The following ADO variants were observed in gnomAD, a reference collection of about 807,000 sequenced individuals.
ADO encodes 2-aminoethanethiol (cysteamine) dioxygenase.
ADO carries 9 observed loss-of-function variants against 16.6 expected under a neutral mutation model. The observed-to-expected ratio is 0.54, with a 90% CI of 0.33 to 0.95. The LOEUF is 0.95. ADO is among the 40% of genes least tolerant of loss of function. The pLI is 0.03. For missense variants in ADO, 356 were observed against 386.4 expected (o/e 0.92, Z 0.66); for synonymous variants, 189 against 179.6 (o/e 1.05, Z -0.42).
In ADO at chr10:62,808,342, A is replaced by G. The variant is rs1291737352; in HGVS notation, c.*2470A>G. Reference sequence around the variant, plus strand: ...TGGTGTGTTGCTATTGTGTTTCTATATACTCCGTCCAATATAGATAATGTT... The same window carrying G: ...TGGTGTGTTGCTATTGTGTTTCTATGTACTCCGTCCAATATAGATAATGTT... On this transcript the variant is annotated 3_prime_UTR_variant, in exon 1 of 1. Transcript: ENST00000373783. 2 of 167,250 alleles carry G rather than the reference A, an allele frequency of 1.2e-5. No homozygotes were observed. Among genetic ancestry groups the G allele is most frequent in the South Asian group, 2.1e-4 (1 of 4,838 alleles). 10.4% of individuals were successfully genotyped at this position (167,250 alleles called of 1,614,324 possible).
rs772363305 is a variant in ADO at position 62,807,605 on chromosome 10, A to C, written c.*1733A>C. The C allele has an allele frequency of 6.0e-6, 1 of 167,232 alleles. No individual in the cohort carries two copies. Among genetic ancestry groups the C allele is most frequent in the Non-Finnish European group, 1.5e-5 (1 of 68,128 alleles). The allele number at this position is 167,232 out of a possible 1,614,324, so 10.4% of individuals were successfully genotyped here. ...AACACAAAAAGATATTCCACAGGAC[A>C]TGCCACTTTATTATAAAACCTGACA... On this transcript the variant is annotated 3_prime_UTR_variant, in exon 1 of 1. Coordinates refer to ENST00000373783, the MANE Select transcript of ADO (RefSeq NM_032804.6).
Position 62,805,502 on chromosome 10 carries a change from C to G in ADO, c.443C>G (p.Pro148Arg). 6.5e-7 allele frequency: 1 copy of G among 1,537,738 alleles called. No individual in the cohort carries two copies. The highest frequency in any genetic ancestry group is 1.4e-5 in the African/African-American group (1 of 71,924). ...GGCGGGCAACGGCCGCGGGCCTTGC[C>G]GCCCGAGCAGCAGTTCGAGCCGCCG... ...AGGGQRPRALPPEQQFEPPLQ... is the reference protein window; with the variant it reads ...AGGGQRPRALRPEQQFEPPLQ... Residue 148 changes from proline to arginine, a missense_variant, in exon 1 of 1, where the codon CCG becomes CGG. Physicochemically the swap from Pro to Arg is moderately radical, Grantham distance 103. Coordinates refer to ENST00000373783, the MANE Select transcript of ADO (RefSeq NM_032804.6). This position sits in a 1 kb window ranked among gnomAD's most constrained non-coding sequence, Gnocchi z 6.4.
chr10:62,805,953 G>A lies in ADO; in HGVS notation c.*81G>A. 7.6e-7 allele frequency: 1 copy of A among 1,307,410 alleles called. No individual in the cohort carries two copies. 81.0% of individuals were successfully genotyped at this position (1,307,410 alleles called of 1,614,324 possible). A position where few individuals can be genotyped will look rare whatever the true frequency, so the allele number is the denominator to read the frequency against. ...GCTGTGTCTCTACCCCCTAGCCTGGGCGTTGGATCTACTGGAATGAGCAGC... is the reference window on the plus strand; with the variant it reads ...GCTGTGTCTCTACCCCCTAGCCTGGACGTTGGATCTACTGGAATGAGCAGC... On this transcript the variant is annotated 3_prime_UTR_variant, in exon 1 of 1. Coordinates refer to ENST00000373783, the MANE Select transcript of ADO (RefSeq NM_032804.6). The surrounding 1 kb of genome is among the most constrained non-coding windows in gnomAD (Gnocchi z 6.4).
chr10:62,805,100 C>A lies in ADO; in HGVS notation c.41C>A (p.Ala14Asp). ...DNMASLIQRIARQACLTFRGS... is the reference protein window; with the variant it reads ...DNMASLIQRIDRQACLTFRGS... ...ATGGCCTCCTTGATCCAACGGATCG[C>A]CCGCCAGGCTTGCCTCACCTTCCGG... is the stretch of plus-strand genomic sequence containing the variant. Residue 14 changes from alanine (A) to aspartate (D), a missense_variant, in exon 1 of 1, where the codon GCC becomes GAC. Transcript: ENST00000373783. This position sits in a 1 kb window ranked among gnomAD's most constrained non-coding sequence, Gnocchi z 6.4. 1 of 1,530,786 alleles carries A rather than the reference C, an allele frequency of 6.5e-7. No homozygotes were observed. The highest frequency in any genetic ancestry group is 8.7e-7 in the Non-Finnish European group (1 of 1,144,900). The allele number at this position is 1,530,786 out of a possible 1,614,324, so 94.8% of individuals were successfully genotyped here.
chr10:62,805,906 C>G lies in ADO; in HGVS notation c.*34C>G. ...GCGCCCAGGAGCGGTGGGCCGAAGA[C>G]GTGCCCTACCCTACCACAAGGGCTG... On this transcript the variant is annotated 3_prime_UTR_variant, in exon 1 of 1. Transcript: ENST00000373783. The surrounding 1 kb of genome is among the most constrained non-coding windows in gnomAD (Gnocchi z 6.4). 2 of 1,452,652 alleles carry G rather than the reference C, an allele frequency of 1.4e-6. No individual in the cohort carries two copies. Among genetic ancestry groups the G allele is most frequent in the Non-Finnish European group, 1.8e-6 (2 of 1,096,908 alleles). The allele number at this position is 1,452,652 out of a possible 1,614,324, so 90.0% of individuals were successfully genotyped here.
Position 62,807,454 on chromosome 10 carries a change from A to G in ADO, c.*1582A>G, listed in dbSNP as rs1313013361. The G allele has an allele frequency of 6.0e-6, 1 of 167,236 alleles. No individual in the cohort carries two copies. The highest frequency in any genetic ancestry group is 1.5e-5 in the Non-Finnish European group (1 of 68,126). The allele number at this position is 167,236 out of a possible 1,614,324, so 10.4% of individuals were successfully genotyped here. The stretch of plus-strand genomic sequence containing the variant: ...GAATGTTGACCCCGTATGTAGAGAA[A>G]CAGTACGTGCCTTTGCCTCTTTATG... On this transcript the variant is annotated 3_prime_UTR_variant, in exon 1 of 1. Transcript: ENST00000373783.
Position 62,805,662 on chromosome 10 carries a change from T to TGCCGCCTTCCTGGACATCCTGGC in ADO, c.604_626dup (p.Tyr212SerfsTer133). On this transcript the variant is annotated frameshift_variant, in exon 1 of 1. Transcript: ENST00000373783. LOFTEE classifies it high-confidence loss of function. This position sits in a 1 kb window ranked among gnomAD's most constrained non-coding sequence, Gnocchi z 6.4. ...ACCAGATCGACGCCGTGGAAGGGCC[T>TGCCGCCTTCCTGGACATCCTGGC]GCCGCCTTCCTGGACATCCTGGCCC... 6.2e-7 allele frequency: 1 copy of TGCCGCCTTCCTGGACATCCTGGC among 1,610,344 alleles called. No homozygotes were observed. The highest frequency in any genetic ancestry group is 1.3e-5 in the African/African-American group (1 of 75,016).
chr10:62,805,097 T>C lies in ADO; in HGVS notation c.38T>C (p.Ile13Thr), dbSNP rs373580230. Residue 13 changes from isoleucine to threonine, a missense_variant, in exon 1 of 1, where the codon ATC becomes ACC. Ile to Thr is a moderately conservative substitution (Grantham distance 89). Coordinates refer to ENST00000373783, the MANE Select transcript of ADO (RefSeq NM_032804.6). The surrounding 1 kb of genome is among the most constrained non-coding windows in gnomAD (Gnocchi z 6.4). ...RDNMASLIQR[I>T]ARQACLTFRG... The stretch of plus-strand genomic sequence containing the variant: ...AACATGGCCTCCTTGATCCAACGGA[T>C]CGCCCGCCAGGCTTGCCTCACCTTC... The C allele has an allele frequency of 6.5e-7, 1 of 1,527,708 alleles. No homozygotes were observed. The highest frequency in any genetic ancestry group is 1.4e-5 in the African/African-American group (1 of 71,358). 94.6% of individuals were successfully genotyped at this position (1,527,708 alleles called of 1,614,324 possible). A position where few individuals can be genotyped will look rare whatever the true frequency, so the allele number is the denominator to read the frequency against.
chr10:62,805,264 GC>G lies in ADO; in HGVS notation c.209del (p.Pro70ArgfsTer67). On this transcript the variant is annotated frameshift_variant, in exon 1 of 1. Coordinates refer to ENST00000373783, the MANE Select transcript of ADO (RefSeq NM_032804.6). LOFTEE classifies it high-confidence loss of function. The surrounding 1 kb of genome is among the most constrained non-coding windows in gnomAD (Gnocchi z 6.4). ...GCTCCGCGCCGAGGACTTGAACATC[GC>G]CCCGCGCAAGGCCACACTGCAGCCG... ...TQLRAEDLNI[A>X]PRKATLQPLP... 6.2e-7 allele frequency: 1 copy of G among 1,602,648 alleles called. No homozygotes were observed.
In ADO at chr10:62,805,389, G is replaced by A; in HGVS notation, c.330G>A (p.Pro110=). The A allele has an allele frequency of 3.1e-6, 5 of 1,593,190 alleles. No homozygotes were observed. Among genetic ancestry groups the A allele is most frequent in the Admixed American group, 1.7e-5 (1 of 58,254 alleles). ...TGCTCAAGAGCGGCACGTCCATCCC[G>A]CTGCACGACCACCCGGGCATGCACG... ...VFLLKSGTSI[P]LHDHPGMHGM... is the part of the protein sequence containing the mutation. The change falls in exon 1 of 1, where the codon CCG becomes CCA. Residue 110 remains proline, a synonymous_variant. Coordinates refer to ENST00000373783, the MANE Select transcript of ADO (RefSeq NM_032804.6). This position sits in a 1 kb window ranked among gnomAD's most constrained non-coding sequence, Gnocchi z 6.4.
rs1842049851 is a variant in ADO at position 62,806,013 on chromosome 10, G to A, written c.*141G>A. ...CTCGGCAGCCTTGGGAAGCACGGGC[G>A]ACTGGACAGCAGCCGCCGGGCACGG... is the stretch of plus-strand genomic sequence containing the variant. On this transcript the variant is annotated 3_prime_UTR_variant, in exon 1 of 1. Transcript: ENST00000373783. 1 of 383,642 alleles carries A rather than the reference G, an allele frequency of 2.6e-6. No individual in the cohort carries two copies. Among genetic ancestry groups the A allele is most frequent in the Non-Finnish European group, 4.0e-6 (1 of 250,480 alleles). The allele number at this position is 383,642 out of a possible 1,614,324, so 23.8% of individuals were successfully genotyped here. A position where few individuals can be genotyped will look rare whatever the true frequency, so the allele number is the denominator to read the frequency against.
chr10:62,805,366 C>T lies in ADO; in HGVS notation c.307C>T (p.Leu103Phe), dbSNP rs773406137. 4 of 1,600,604 alleles carry T rather than the reference C, an allele frequency of 2.5e-6. No homozygotes were observed. Among genetic ancestry groups the T allele is most frequent in the Non-Finnish European group, 2.5e-6 (3 of 1,177,064 alleles). Residue 103 changes from leucine to phenylalanine, a missense_variant, in exon 1 of 1, where the codon CTC (leucine) becomes TTC (phenylalanine). Physicochemically the swap from Leu to Phe is conservative, Grantham distance 22. Transcript: ENST00000373783. The surrounding 1 kb of genome is among the most constrained non-coding windows in gnomAD (Gnocchi z 6.4). The stretch of plus-strand genomic sequence containing the variant: ...CGGCTTCAGCCTGGGCGTGTTCCTG[C>T]TCAAGAGCGGCACGTCCATCCCGCT... Reference protein sequence around the residue: ...TDGFSLGVFLLKSGTSIPLHD... With the variant: ...TDGFSLGVFLFKSGTSIPLHD...
Position 62,806,351 on chromosome 10 carries a change from T to TA in ADO, c.*484dup, listed in dbSNP as rs2132690173. On this transcript the variant is annotated 3_prime_UTR_variant, in exon 1 of 1. Transcript: ENST00000373783. Reference sequence around the variant, plus strand: ...AATTGTTTTTAGTTCAAGTCATTGGTAAAAACTAGGTTTAAGGAGATGAGC... The same window carrying TA: ...AATTGTTTTTAGTTCAAGTCATTGGTAAAAAACTAGGTTTAAGGAGATGAGC... 6.0e-6 allele frequency: 1 copy of TA among 167,996 alleles called. No individual in the cohort carries two copies. Among genetic ancestry groups the TA allele is most frequent in the African/African-American group, 2.4e-5 (1 of 41,616 alleles). 10.4% of individuals were successfully genotyped at this position (167,996 alleles called of 1,614,324 possible). A position where few individuals can be genotyped will look rare whatever the true frequency, so the allele number is the denominator to read the frequency against.
rs1469538436 is a variant in ADO at position 62,805,883 on chromosome 10, G to C, written c.*11G>C. 6.8e-7 allele frequency: 1 copy of C among 1,477,202 alleles called. No homozygotes were observed. The highest frequency in any genetic ancestry group is 2.6e-5 in the East Asian group (1 of 38,866). 91.5% of individuals were successfully genotyped at this position (1,477,202 alleles called of 1,614,324 possible). On this transcript the variant is annotated 3_prime_UTR_variant, in exon 1 of 1. Coordinates refer to ENST00000373783, the MANE Select transcript of ADO (RefSeq NM_032804.6). The surrounding 1 kb of genome is among the most constrained non-coding windows in gnomAD (Gnocchi z 6.4). Reference sequence around the variant, plus strand: ...AAGGTCTTCCCTTGAAGCCACTGGCGCCCAGGAGCGGTGGGCCGAAGACGT... The same window carrying C: ...AAGGTCTTCCCTTGAAGCCACTGGCCCCCAGGAGCGGTGGGCCGAAGACGT...
Position 62,808,091 on chromosome 10 carries a change from CTG to C in ADO, c.*2220_*2221del, listed in dbSNP as rs1337293372. 2.7e-4 allele frequency: 45 copies of C among 167,182 alleles called. No homozygotes were observed. The Admixed American group carries it at 2.9e-3, about 11-fold the overall frequency. 10.4% of individuals were successfully genotyped at this position (167,182 alleles called of 1,614,324 possible). A position where few individuals can be genotyped will look rare whatever the true frequency, so the allele number is the denominator to read the frequency against. On this transcript the variant is annotated 3_prime_UTR_variant, in exon 1 of 1. Coordinates refer to ENST00000373783, the MANE Select transcript of ADO (RefSeq NM_032804.6). ...CCTAAGGTGCTTTTCAAAAGAGTAA[CTG>C]AAATTGTTGCAGGCCAAAACAGCAA...
chr10:62,804,970 G>A lies in ADO; in HGVS notation c.-90G>A. 2.4e-6 allele frequency: 3 copies of A among 1,258,042 alleles called. No individual in the cohort carries two copies. The highest frequency in any genetic ancestry group is 3.1e-6 in the Non-Finnish European group (3 of 979,862). 77.9% of individuals were successfully genotyped at this position (1,258,042 alleles called of 1,614,324 possible). A position where few individuals can be genotyped will look rare whatever the true frequency, so the allele number is the denominator to read the frequency against. ...GTTGCGGGGCCTCCCGCCTCGACCCGGGCTGGGGGCAGCCGTGGCGGCCGC... is the reference window on the plus strand; with the variant it reads ...GTTGCGGGGCCTCCCGCCTCGACCCAGGCTGGGGGCAGCCGTGGCGGCCGC... On this transcript the variant is annotated 5_prime_UTR_variant, in exon 1 of 1. Transcript: ENST00000373783.
Position 62,804,951 on chromosome 10 carries a change from G to A in ADO, c.-109G>A. ...CGCGCCCGACGGGCCGGTGGTTGCG[G>A]GGCCTCCCGCCTCGACCCGGGCTGG... On this transcript the variant is annotated 5_prime_UTR_variant, in exon 1 of 1. Coordinates refer to ENST00000373783, the MANE Select transcript of ADO (RefSeq NM_032804.6). 15 of 1,075,726 alleles carry A rather than the reference G, an allele frequency of 1.4e-5. No individual in the cohort carries two copies. Among genetic ancestry groups the A allele is most frequent in the Non-Finnish European group, 1.8e-5 (15 of 838,046 alleles). 66.6% of individuals were successfully genotyped at this position (1,075,726 alleles called of 1,614,324 possible).
In ADO at chr10:62,807,486, G is replaced by A. The variant is rs375555384; in HGVS notation, c.*1614G>A. The A allele has an allele frequency of 6.0e-6, 1 of 167,176 alleles. No homozygotes were observed. The highest frequency in any genetic ancestry group is 1.5e-5 in the Non-Finnish European group (1 of 68,120). 10.4% of individuals were successfully genotyped at this position (167,176 alleles called of 1,614,324 possible). A position where few individuals can be genotyped will look rare whatever the true frequency, so the allele number is the denominator to read the frequency against. On this transcript the variant is annotated 3_prime_UTR_variant, in exon 1 of 1. Transcript: ENST00000373783. ...GTGCCTTTGCCTCTTTATGCACACA[G>A]AGACCCAGGGTGAGGGAGTATTTGT... is the stretch of plus-strand genomic sequence containing the variant.
At position 62,806,936 on chromosome 10, in the gene ADO, C is replaced by T. The variant is rs1473091396; in HGVS notation, c.*1064C>T. Reference sequence around the variant, plus strand: ...ATGTTCCCGACTCGGGTGATTCCAGCTGTGTTGCTGGCAGTGTTGTCTCAA... The same window carrying T: ...ATGTTCCCGACTCGGGTGATTCCAGTTGTGTTGCTGGCAGTGTTGTCTCAA... On this transcript the variant is annotated 3_prime_UTR_variant, in exon 1 of 1. Transcript: ENST00000373783. The T allele has an allele frequency of 6.0e-6, 1 of 167,252 alleles. No individual in the cohort carries two copies. The highest frequency in any genetic ancestry group is 1.9e-4 in the East Asian group (1 of 5,342). The allele number at this position is 167,252 out of a possible 1,614,324, so 10.4% of individuals were successfully genotyped here.
Sources: allele counts gnomAD v4.1 joint callset, GRCh38; gene constraint gnomAD v4.1.1; non-coding constraint Gnocchi (gnomAD v3.1); transcripts MANE v1.5; gene names NCBI Gene and HGNC (gene_info 2026-07-23, HGNC 2026-07-21).